Variants in THNSL1 observed in about 807,000 individuals in gnomAD.
The protein encoded by THNSL1 is threonine synthase-like 1.
THNSL1 carries 48 observed loss-of-function variants against 50.4 expected under a neutral mutation model. The ratio of observed to expected loss-of-function variants is 0.95; its 90% CI spans 0.76 to 1.21. The LOEUF (loss-of-function observed/expected upper bound fraction) is 1.21. Among genes scored for constraint, THNSL1 ranks in the 50% most tolerant of loss-of-function variants. The pLI, the probability that THNSL1 is intolerant of heterozygous loss-of-function variation, is 0.00. For missense variants in THNSL1, 896 were observed against 871.7 expected, an observed-to-expected ratio of 1.03 and a Z score of -0.35; for synonymous variants, 309 against 306.1, an observed-to-expected ratio of 1.01 and a Z score of -0.10.
chr10:24,972,583 A>G, the THNSL1 span, among the ~76,000 whole-genome samples: 1 of 152,150 alleles, frequency 6.6e-6, no homozygotes, highest in Non-Finnish European at 1.5e-5. Flanking sequence ...TTTTATGTGT[A>G]CAGAAAGATG....
the THNSL1 span, among the ~76,000 whole-genome samples, chr10:24,963,788 A>G: frequency 6.6e-6 from 1 of 152,204 alleles, no homozygotes; most frequent in East Asian, 1.9e-4. Flanking sequence ...AGAAATAATG[A>G]TCTAAGAAAC....
At chr10:25,006,648 C>T in the THNSL1 span, among the ~76,000 whole-genome samples, 1 of 152,074 alleles carries the variant, frequency 6.6e-6, no homozygotes, top group East Asian at 1.9e-4. Context: ...TCAAAAAAAA[C>T]CTCACTGCAT....
chr10:24,960,259 A>G, the THNSL1 span, among the ~76,000 whole-genome samples: 4 of 152,042 alleles, frequency 2.6e-5, no homozygotes, highest in African/African-American at 9.7e-5. Flanking sequence ...CAGAGCTGGG[A>G]TGTGGTATTA....
chr10:25,014,443 A>C (rs1850519177), upstream of THNSL1, among the ~76,000 whole-genome samples: 1 of 152,194 alleles, frequency 6.6e-6, no homozygotes, highest in Non-Finnish European at 1.5e-5. Context: ...CAGATATACT[A>C]GTGCAATATT....
intron 1 of THNSL1, among the ~76,000 whole-genome samples, chr10:25,019,684 A>G (rs1178417162): frequency 6.6e-6 from 1 of 152,174 alleles, no homozygotes; most frequent in Non-Finnish European, 1.5e-5. Flanking sequence ...GATTTTTCTC[A>G]CTCTAAAGTC....
At chr10:24,978,213 G>A in the THNSL1 span, among the ~76,000 whole-genome samples, 1 of 151,834 alleles carries the variant, frequency 6.6e-6, no homozygotes, top group Non-Finnish European at 1.5e-5. Flanking sequence ...AGCACATTAT[G>A]TAGAAAGACA....
chr10:24,966,141 G>A, the THNSL1 span, among the ~76,000 whole-genome samples: 1 of 152,240 alleles, frequency 6.6e-6, no homozygotes, highest in Non-Finnish European at 1.5e-5. Flanking sequence ...AAGAATAAGT[G>A]TGAAGCACAG....
chr10:25,024,054 C>G lies in THNSL1; in HGVS notation c.831C>G (p.Cys277Trp), dbSNP rs139320391. Reference protein sequence around the residue: ...VPAKEFPKLSCGEWKSLVGAT... With the variant: ...VPAKEFPKLSWGEWKSLVGAT... Reference sequence around the variant, plus strand: ...CAAAGGAGTTTCCAAAATTAAGCTGCGGGGAGTGGAAAAGCCTAGTAGGAG... The same window carrying G: ...CAAAGGAGTTTCCAAAATTAAGCTGGGGGGAGTGGAAAAGCCTAGTAGGAG... The change falls in exon 3 of 3, where the codon TGC becomes TGG. Residue 277 changes from cysteine to tryptophan, a missense_variant. Cys to Trp is a radical substitution (Grantham distance 215, BLOSUM62 -2). Coordinates refer to ENST00000376356, the MANE Select transcript of THNSL1 (RefSeq NM_024838.5). 7 of 1,613,946 alleles carry G rather than the reference C, an allele frequency of 4.3e-6. No individual in the cohort carries two copies. The East Asian group carries it at 8.9e-5, about 21-fold the overall frequency.
At chr10:24,972,522 A>AAAAAAAT in the THNSL1 span, among the ~76,000 whole-genome samples, 2 of 150,072 alleles carry the variant, frequency 1.3e-5, no homozygotes, top group African/African-American at 5.0e-5. Context: ...AAAAAAAAAT[A>AAAAAAAT]AATAATAATA....
chr10:24,979,885 G>A, the THNSL1 span, among the ~76,000 whole-genome samples: 12 of 151,270 alleles, frequency 7.9e-5, 1 homozygote, highest in South Asian at 1.0e-3. Flanking sequence ...CCCCGCCCCC[G>A]CCTCCCCACT....
chr10:24,990,350 T>C, the THNSL1 span: 1 of 1,365,494 alleles, frequency 7.3e-7, no homozygotes, highest in East Asian at 2.4e-5. Flanking sequence ...CCCAAAGAGA[T>C]TGTTCTGATT....
the THNSL1 span, chr10:24,995,837 G>A: frequency 1.2e-6 from 2 of 1,610,724 alleles, no homozygotes; most frequent in Non-Finnish European, 8.5e-7. Context: ...GGCACAGCAG[G>A]CTTTTTGGGC....
the THNSL1 span, among the ~76,000 whole-genome samples, chr10:24,985,419 G>C: frequency 6.6e-6 from 1 of 152,124 alleles, no homozygotes; most frequent in Non-Finnish European, 1.5e-5. Context: ...AAATTCACTT[G>C]TACAAAAGAT....
At chr10:24,969,958 T>C in the THNSL1 span, among the ~76,000 whole-genome samples, 1 of 152,364 alleles carries the variant, frequency 6.6e-6, no homozygotes. Flanking sequence ...AGGGACCAGC[T>C]TGTGTTTCCA....
In THNSL1 at chr10:25,023,950, G is replaced by C. The variant is rs1319447747; in HGVS notation, c.727G>C (p.Glu243Gln). 1 of 1,614,194 alleles carries C rather than the reference G, an allele frequency of 6.2e-7. No homozygotes were observed. Among genetic ancestry groups the C allele is most frequent in the East Asian group, 2.2e-5 (1 of 44,878 alleles). Residue 243 changes from glutamate to glutamine, a missense_variant, in exon 3 of 3, where the codon GAA becomes CAA. Physicochemically the swap from Glu to Gln is conservative, Grantham distance 29. Transcript: ENST00000376356. Reference sequence around the variant, plus strand: ...AAGACACGTTTGGCCTGAAGACTGTGAACAGAAGGTTTCAGCAAAATTCTT... The same window carrying C: ...AAGACACGTTTGGCCTGAAGACTGTCAACAGAAGGTTTCAGCAAAATTCTT... Reference protein sequence around the residue: ...STRHVWPEDCEQKVSAKFFSE... With the variant: ...STRHVWPEDCQQKVSAKFFSE...
At chr10:24,978,304 G>A in the THNSL1 span, among the ~76,000 whole-genome samples, 3 of 151,610 alleles carry the variant, frequency 2.0e-5, no homozygotes, top group African/African-American at 4.9e-5. Context: ...GGTGGCCTCA[G>A]ACATTGTCCT....
upstream of THNSL1, chr10:25,015,961 CT>C: frequency 6.3e-7 from 1 of 1,595,968 alleles, no homozygotes; most frequent in South Asian, 1.1e-5. Flanking sequence ...TCCTTAAAAG[CT>C]ACTCTCCACA....
the THNSL1 span, among the ~76,000 whole-genome samples, chr10:24,963,431 C>T: frequency 1.3e-5 from 2 of 152,196 alleles, no homozygotes; most frequent in Non-Finnish European, 2.9e-5. Context: ...CAGGTTCAGA[C>T]CAATTGCCTA....
At chr10:24,960,926 C>T in the THNSL1 span, among the ~76,000 whole-genome samples, 937 of 152,290 alleles carry the variant, frequency 6.2e-3, 3 homozygotes, top group Non-Finnish European at 7.7e-3. Context: ...CTCTTACCTA[C>T]ACTCCCTTCC....
Sources: gnomAD v4.1 joint callset for allele counts (sites outside exome capture counted in the v4.1 genomes callset) on GRCh38, gnomAD v4.1.1 for gene constraint, MANE v1.5 for transcripts, NCBI Gene and HGNC (gene_info 2026-07-23, HGNC 2026-07-21) for gene names.